Variants in SYT1 observed in about 807,000 individuals in gnomAD.
The protein encoded by SYT1 is synaptotagmin 1, also known as synaptotagmin-1.
SYT1 carries 8 observed loss-of-function variants against 44.8 expected under a neutral mutation model. That is an observed-to-expected ratio of 0.18 (90% CI 0.10 to 0.32). The LOEUF (loss-of-function observed/expected upper bound fraction) is 0.32. Among genes scored for constraint, SYT1 ranks in the 10% least tolerant of loss-of-function variants. The pLI is 1.00. For synonymous variants in SYT1, 154 were observed against 188.8 expected (o/e 0.82, Z 1.51); for missense variants, 286 against 509.3 (o/e 0.56, Z 4.22).
chr12:79,258,117 A>G (rs1877632062), intron 4 of SYT1, among the ~76,000 whole-genome samples: 1 of 8,054 alleles, frequency 1.2e-4, no homozygotes. Context: ...ATAAACAAGA[A>G]TATCTCATTC....
At chr12:79,046,788 A>T (rs1250671228) in intron 2 of SYT1, among the ~76,000 whole-genome samples, 1 of 151,972 alleles carries the variant, frequency 6.6e-6, no homozygotes, top group African/African-American at 2.4e-5. Context: ...ATATCTAGAT[A>T]TTGATTAGCT....
chr12:79,283,550 C>A (rs1321688918), intron 4 of SYT1, among the ~76,000 whole-genome samples: 1 of 152,104 alleles, frequency 6.6e-6, no homozygotes, highest in Non-Finnish European at 1.5e-5. Context: ...ACAAGTCCAA[C>A]TGGGAGAATA....
intron 3 of SYT1, among the ~76,000 whole-genome samples, chr12:79,196,170 TTG>T (rs1432739187): frequency 1.4e-5 from 1 of 69,780 alleles, no homozygotes; most frequent in African/African-American, 7.1e-5. Flanking sequence ...GTTGTTGTTG[TTG>T]TTGTTGTTGT....
At chr12:78,922,974 C>T (rs1239603852) in intron 1 of SYT1, among the ~76,000 whole-genome samples, 5 of 150,870 alleles carry the variant, frequency 3.3e-5, no homozygotes, top group African/African-American at 7.3e-5. Flanking sequence ...GAGCCCATTC[C>T]CATAACCAGT....
intron 3 of SYT1, among the ~76,000 whole-genome samples, chr12:79,134,332 T>C (rs1869044788): frequency 6.6e-6 from 1 of 152,202 alleles, no homozygotes; most frequent in South Asian, 2.1e-4. Context: ...TTCTGTTTGA[T>C]TGTGAGATGT....
chr12:79,303,936 G>A (rs140869403), intron 8 of SYT1, among the ~76,000 whole-genome samples: 3 of 152,182 alleles, frequency 2.0e-5, no homozygotes, highest in Admixed American at 6.5e-5. Context: ...TCCACCCAAC[G>A]ATCAATGCCC....
intron 4 of SYT1, among the ~76,000 whole-genome samples, chr12:79,280,951 C>G (rs541606147): frequency 6.6e-6 from 1 of 151,096 alleles, no homozygotes; most frequent in South Asian, 2.1e-4. Context: ...AAATGAGATA[C>G]CACCTTACAG....
intron 2 of SYT1, among the ~76,000 whole-genome samples, chr12:78,994,834 CA>C (rs1870266637): frequency 6.6e-6 from 1 of 152,086 alleles, no homozygotes; most frequent in Non-Finnish European, 1.5e-5. Flanking sequence ...TGTGCCCGGC[CA>C]ATATTTTTGA....
At chr12:79,296,333 G>A in intron 7 of SYT1, 97 bp downstream of exon 7, 2 of 1,244,978 alleles carry the variant, frequency 1.6e-6, no homozygotes, top group East Asian at 2.5e-5. Flanking sequence ...ATGAATGCTT[G>A]TTCAGGCACT....
At chr12:79,270,616 T>A (rs1334680418) in intron 4 of SYT1, among the ~76,000 whole-genome samples, 1 of 152,176 alleles carries the variant, frequency 6.6e-6, no homozygotes, top group Non-Finnish European at 1.5e-5. Flanking sequence ...AAATCTGCCC[T>A]TAAAAGTGAA....
chr12:78,980,476 T>C (rs533467412), intron 2 of SYT1, among the ~76,000 whole-genome samples: 1 of 152,322 alleles, frequency 6.6e-6, no homozygotes, highest in South Asian at 2.1e-4. Context: ...ATTTTATGTA[T>C]CAAAAATTCT....
intron 1 of SYT1, among the ~76,000 whole-genome samples, chr12:78,895,205 G>A (rs946033085): frequency 6.6e-6 from 1 of 151,446 alleles, no homozygotes; most frequent in African/African-American, 2.4e-5. Context: ...ACTTTTTTGA[G>A]ATATAAAATT....
chr12:79,031,612 T>C (rs1247550093), intron 2 of SYT1, among the ~76,000 whole-genome samples: 1 of 151,190 alleles, frequency 6.6e-6, no homozygotes, highest in African/African-American at 2.4e-5. Context: ...TATGTAACTT[T>C]CATATTAAAC....
chr12:79,058,865 C>A (rs919668688), intron 3 of SYT1, among the ~76,000 whole-genome samples: 4 of 151,890 alleles, frequency 2.6e-5, no homozygotes, highest in Non-Finnish European at 2.9e-5. Flanking sequence ...TACTTAGGAG[C>A]CTATAGTTTC....
chr12:79,196,482 A>G (rs1032180758), intron 3 of SYT1, among the ~76,000 whole-genome samples: 1 of 152,058 alleles, frequency 6.6e-6, no homozygotes, highest in African/African-American at 2.4e-5. Flanking sequence ...TTCTAATTCT[A>G]TATCTGGGTA....
intron 4 of SYT1, among the ~76,000 whole-genome samples, chr12:79,263,057 T>A (rs73349490): frequency 6.6e-6 from 1 of 152,200 alleles, no homozygotes; most frequent in African/African-American, 2.4e-5. Flanking sequence ...CCCTCTGCAA[T>A]GTCCAGAATG....
At chr12:79,164,358 A>C (rs1871123526) in intron 3 of SYT1, among the ~76,000 whole-genome samples, 2 of 152,074 alleles carry the variant, frequency 1.3e-5, no homozygotes, top group Admixed American at 6.6e-5. Context: ...TTGCCCTCTC[A>C]TTCTTCATTT....
intron 3 of SYT1, among the ~76,000 whole-genome samples, chr12:79,164,354 T>C (rs1871123033): frequency 6.6e-6 from 1 of 152,126 alleles, no homozygotes; most frequent in Non-Finnish European, 1.5e-5. Context: ...TAGATTGCCC[T>C]CTCATTCTTC....
intron 3 of SYT1, among the ~76,000 whole-genome samples, chr12:79,131,978 G>T (rs766727290): frequency 6.6e-6 from 1 of 152,116 alleles, no homozygotes; most frequent in Non-Finnish European, 1.5e-5. Context: ...TAAGGATCAC[G>T]TTTTGTTTCT....
Sources: gnomAD v4.1 joint callset for allele counts (sites outside exome capture counted in the v4.1 genomes callset) on GRCh38, gnomAD v4.1.1 for gene constraint, MANE v1.5 for transcripts, NCBI Gene and HGNC (gene_info 2026-07-23, HGNC 2026-07-21) for gene names.